GSK3B: variants seen among roughly 807,000 people sequenced by gnomAD.
The protein encoded by GSK3B is glycogen synthase kinase 3 beta, also known as glycogen synthase kinase-3 beta.
GSK3B carries 15 observed loss-of-function variants against 56.4 expected under a neutral mutation model. The ratio of observed to expected loss-of-function variants is 0.27; its 90% CI spans 0.18 to 0.41. The LOEUF (loss-of-function observed/expected upper bound fraction) is 0.41. Among genes scored for constraint, GSK3B ranks in the 10% least tolerant of loss-of-function variants. The pLI is 1.00. For synonymous variants in GSK3B, 181 were observed against 188.9 expected (o/e 0.96, Z 0.34); for missense variants, 300 against 513.4 (o/e 0.58, Z 4.02).
At chr3:119,981,446 G>A (rs984698444) in intron 2 of GSK3B, among the ~76,000 whole-genome samples, 1 of 152,240 alleles carries the variant, frequency 6.6e-6, no homozygotes, top group African/African-American at 2.4e-5. Context: ...TCCTAGCCAA[G>A]GGAAGCCATG....
intron 1 of GSK3B, among the ~76,000 whole-genome samples, chr3:120,010,960 A>C (rs1039056233): frequency 6.6e-6 from 1 of 152,104 alleles, no homozygotes; most frequent in Admixed American, 6.6e-5. Context: ...CCCAGCTACA[A>C]GGGAGGCTGA....
chr3:120,087,484 A>G (rs1054611649), intron 1 of GSK3B, among the ~76,000 whole-genome samples: 24 of 152,006 alleles, frequency 1.6e-4, no homozygotes, highest in African/African-American at 2.9e-4. Flanking sequence ...GTAAGCCCAG[A>G]TCACGCCATG....
At position 120,093,504 on chromosome 3, in the gene GSK3B, G is replaced by T; in HGVS notation, c.-70C>A. ...CTTCCTTTTGTCTTTATGTTGGGGT[G>T]TTAGGTTAACGATAAATGCAGCATT... On this transcript the variant is annotated 5_prime_UTR_variant, in exon 1 of 11. Coordinates refer to ENST00000264235, the MANE Select transcript of GSK3B (RefSeq NM_001146156.2). 9.9e-7 allele frequency: 1 copy of T among 1,007,916 alleles called. No individual in the cohort carries two copies. Among genetic ancestry groups the T allele is most frequent in the Non-Finnish European group, 1.6e-6 (1 of 635,402 alleles). 62.4% of individuals were successfully genotyped at this position (1,007,916 alleles called of 1,614,324 possible).
At chr3:120,009,179 A>G (rs1032562605) in intron 1 of GSK3B, among the ~76,000 whole-genome samples, 1 of 152,198 alleles carries the variant, frequency 6.6e-6, no homozygotes, top group African/African-American at 2.4e-5. Flanking sequence ...AAAAGTCAGG[A>G]AACAACAGAT....
chr3:119,830,805 C>T (rs2055586558), intron 10 of GSK3B, among the ~76,000 whole-genome samples: 2 of 152,216 alleles, frequency 1.3e-5, no homozygotes, highest in African/African-American at 2.4e-5. Context: ...TTTAATCTAT[C>T]TCTCATTTCC....
chr3:119,835,168 T>C (rs1403989642), intron 10 of GSK3B, among the ~76,000 whole-genome samples: 5 of 152,216 alleles, frequency 3.3e-5, no homozygotes, highest in Admixed American at 6.5e-5. Flanking sequence ...ACATGCACAC[T>C]GTACTTCCCC....
intron 1 of GSK3B, among the ~76,000 whole-genome samples, chr3:120,034,018 C>T (rs1487050387): frequency 6.6e-6 from 1 of 152,120 alleles, no homozygotes. Flanking sequence ...TGTATATCTT[C>T]CTTGTAGAAG....
intron 2 of GSK3B, among the ~76,000 whole-genome samples, chr3:119,968,256 T>A (rs1281970201): frequency 1.3e-5 from 2 of 151,770 alleles, no homozygotes; most frequent in Non-Finnish European, 2.9e-5. Context: ...TTGGCCAAAG[T>A]GCTGGGATTA....
intron 1 of GSK3B, among the ~76,000 whole-genome samples, chr3:120,004,321 C>G (rs1440706771): frequency 6.6e-6 from 1 of 152,206 alleles, no homozygotes; most frequent in Non-Finnish European, 1.5e-5. Flanking sequence ...TCTCTAGATT[C>G]CACCTCTGGG....
intron 1 of GSK3B, among the ~76,000 whole-genome samples, chr3:120,040,474 T>C (rs1336277644): frequency 2.0e-5 from 3 of 152,150 alleles, no homozygotes; most frequent in Non-Finnish European, 4.4e-5. Context: ...ACACAAGGTA[T>C]TGAGCCTTAA....
chr3:119,864,546 C>T (rs766558191), intron 8 of GSK3B, among the ~76,000 whole-genome samples: 12 of 152,112 alleles, frequency 7.9e-5, no homozygotes, highest in Admixed American at 1.3e-4. Flanking sequence ...GAACATACAA[C>T]GAAATAAAAG....
chr3:120,007,675 T>C (rs1018841842), intron 1 of GSK3B, among the ~76,000 whole-genome samples: 10 of 152,216 alleles, frequency 6.6e-5, no homozygotes, highest in Admixed American at 2.0e-4. Context: ...ACCACATGAT[T>C]ATCTCAATAG....
intron 6 of GSK3B, among the ~76,000 whole-genome samples, chr3:119,909,023 CTGT>C (rs2056710453): frequency 6.6e-6 from 1 of 152,052 alleles, no homozygotes; most frequent in Admixed American, 6.6e-5. Context: ...TTTGTTGTTG[CTGT>C]TGTTGTTTTG....
intron 2 of GSK3B, among the ~76,000 whole-genome samples, chr3:119,986,694 A>T (rs1287797153): frequency 6.6e-6 from 1 of 152,182 alleles, no homozygotes; most frequent in Non-Finnish European, 1.5e-5. Context: ...CAGATGCTGG[A>T]GAGGATGTGG....
At chr3:120,032,282 C>G (rs2057982886) in intron 1 of GSK3B, among the ~76,000 whole-genome samples, 1 of 152,054 alleles carries the variant, frequency 6.6e-6, no homozygotes, top group Non-Finnish European at 1.5e-5. Flanking sequence ...CAATATCAGC[C>G]TGGCCGATAT....
Position 120,093,349 on chromosome 3 carries a change from C to G in GSK3B, c.86G>C (p.Ser29Thr), listed in dbSNP as rs769708545. 4 of 1,607,676 alleles carry G rather than the reference C, an allele frequency of 2.5e-6. No homozygotes were observed. The Admixed American group carries it at 6.7e-5, about 27-fold the overall frequency. Residue 29 changes from serine (S) to threonine (T), a missense_variant and splice_region_variant, in exon 1 of 11, where the codon AGC (serine) becomes ACC (threonine). Physicochemically the swap from Ser to Thr is moderately conservative, Grantham distance 58. Coordinates refer to ENST00000264235, the MANE Select transcript of GSK3B (RefSeq NM_001146156.2). ...QPSAFGSMKV[S>T]RDKDGSKVTT... ...TGTAAAATAAAACCAATACTCACTG[C>G]TAACTTTCATGCTGCCAAAAGCTGA...
chr3:119,986,266 T>G (rs1162214041), intron 2 of GSK3B, among the ~76,000 whole-genome samples: 2 of 152,110 alleles, frequency 1.3e-5, no homozygotes, highest in African/African-American at 4.8e-5. Flanking sequence ...ATTCAGGACA[T>G]AGTTATGGGC....
chr3:119,992,090 T>A (rs553304158), intron 2 of GSK3B, among the ~76,000 whole-genome samples: 1 of 152,012 alleles, frequency 6.6e-6, no homozygotes, highest in African/African-American at 2.4e-5. Context: ...AGATCAACAC[T>A]TTTTTTATAA....
chr3:119,923,044 G>T (rs372915062), intron 4 of GSK3B, among the ~76,000 whole-genome samples: 1 of 152,014 alleles, frequency 6.6e-6, no homozygotes, highest in African/African-American at 2.4e-5. Flanking sequence ...TATATGATAC[G>T]CTCCTATTTT....
Sources: allele counts gnomAD v4.1 joint callset (sites outside exome capture counted in the v4.1 genomes callset), GRCh38; gene constraint gnomAD v4.1.1; transcripts MANE v1.5; gene names NCBI Gene and HGNC (gene_info 2026-07-23, HGNC 2026-07-21).